SLC25A42: variants seen among roughly 807,000 people sequenced by gnomAD.
SLC25A42 encodes solute carrier family 25 member 42, also known as mitochondrial coenzyme A transporter SLC25A42.
SLC25A42 carries 19 observed loss-of-function variants against 34.7 expected under a neutral mutation model. The ratio of observed to expected loss-of-function variants is 0.55; its 90% CI spans 0.38 to 0.80. SLC25A42 has a LOEUF of 0.80. Among genes scored for constraint, SLC25A42 ranks in the 30% least tolerant of loss-of-function variants. The probability of loss-of-function intolerance (pLI) is 0.00; values close to 1 mark genes in which losing one functional copy is unlikely to be tolerated. For synonymous variants in SLC25A42, 205 were observed against 191.2 expected (o/e 1.07, Z -0.59); for missense variants, 364 against 441.3 (o/e 0.82, Z 1.57).
At chr19:19,067,029 A>AAC (rs2059606494) in intron 1 of SLC25A42, among the ~76,000 whole-genome samples, 1 of 151,368 alleles carries the variant, frequency 6.6e-6, no homozygotes, top group South Asian at 2.1e-4. Context: ...CTCAAAAAAA[A>AAC]AAAAAAAAAA....
intron 4 of SLC25A42, chr19:19,105,327 T>C: frequency 6.7e-6 from 4 of 593,580 alleles, no homozygotes; most frequent in South Asian, 4.5e-5. Context: ...CCAAGAGAAC[T>C]TGGTGGGGTG....
At chr19:19,089,385 A>T (rs1431393157) in intron 1 of SLC25A42, among the ~76,000 whole-genome samples, 2 of 151,744 alleles carry the variant, frequency 1.3e-5, no homozygotes, top group Non-Finnish European at 2.9e-5. Flanking sequence ...AAAGTTAGCC[A>T]GGCATGGTGG....
rs539461135 is a variant in SLC25A42, at chr19:19,087,033, T to C, written c.-34-9058T>C. 1.4e-4 allele frequency among the ~76,000 whole-genome samples: 21 copies of C among 152,274 alleles called. 1 individual carries two copies. In the South Asian group the frequency reaches 4.1e-3, roughly 30 times the overall value. Reference sequence around the variant, plus strand: ...GTAATTGATACAATGTTATTAACTATAGTCCTCATGCTGTCCATTAGATCT... The same window carrying C: ...GTAATTGATACAATGTTATTAACTACAGTCCTCATGCTGTCCATTAGATCT... On this transcript the variant is annotated intron_variant, in intron 1 of 7. Coordinates refer to ENST00000318596, the MANE Select transcript of SLC25A42 (RefSeq NM_178526.5).
At chr19:19,069,315 A>G (rs1471833072) in intron 1 of SLC25A42, among the ~76,000 whole-genome samples, 2 of 152,218 alleles carry the variant, frequency 1.3e-5, no homozygotes, top group Non-Finnish European at 2.9e-5. Context: ...AGGTTCTGGC[A>G]GGCAAATGGC....
chr19:19,107,904 A>G lies in SLC25A42; in HGVS notation c.508A>G (p.Ile170Val). ...GCTCTGTCCTGGCAGGTACAGCAAC[A>G]TCTTTCATGTCTTCATCCGCATCTC... Reference protein sequence around the residue: ...AVTPKEMYSNIFHVFIRISRE... With the variant: ...AVTPKEMYSNVFHVFIRISRE... The change falls in exon 7 of 8, where the codon ATC (isoleucine) becomes GTC (valine). Residue 170 changes from isoleucine to valine, a missense_variant. Ile to Val is a conservative substitution (Grantham distance 29). Transcript: ENST00000318596. 1.9e-6 allele frequency: 3 copies of G among 1,614,054 alleles called. 1 individual carries two copies. The highest frequency in any genetic ancestry group is 3.3e-4 in the Middle Eastern group (2 of 6,046).
At position 19,108,622 on chromosome 19, in the gene SLC25A42, G is replaced by A. The variant is rs563883333; in HGVS notation, c.649+577G>A. ...GCATTGATACCTCACCTCTTCACGA[G>A]CACACACGCAAAGCATATGGGTAAA... On this transcript the variant is annotated intron_variant, in intron 7 of 7. Transcript: ENST00000318596. Among the ~76,000 whole-genome samples, 10 of 152,028 alleles carry A rather than the reference G, an allele frequency of 6.6e-5. No individual in the cohort carries two copies. In the South Asian group the frequency reaches 1.9e-3, roughly 28 times the overall value.
At chr19:19,089,046 G>A (rs1047090620) in intron 1 of SLC25A42, among the ~76,000 whole-genome samples, 3 of 147,102 alleles carry the variant, frequency 2.0e-5, no homozygotes, top group East Asian at 2.1e-4. Flanking sequence ...GGCCTCAAGC[G>A]ATCTGCCCTC....
intron 1 of SLC25A42, among the ~76,000 whole-genome samples, chr19:19,064,646 G>A (rs1309181858): frequency 2.0e-5 from 3 of 150,142 alleles, no homozygotes; most frequent in Non-Finnish European, 4.4e-5. Context: ...CCAGCAACCT[G>A]TGTCTCTCTT....
intron 3 of SLC25A42, among the ~76,000 whole-genome samples, chr19:19,102,743 AAAATAAATAAATAAATAAAT>A (rs140086036): frequency 8.1e-5 from 12 of 148,658 alleles, no homozygotes; most frequent in African/African-American, 2.0e-4. Context: ...CTCTGTCTCA[AAAATAAATAAATAAATAAAT>A]AAATAAATAA....
chr19:19,104,064 G>T (rs981879499), intron 3 of SLC25A42, among the ~76,000 whole-genome samples: 10 of 152,080 alleles, frequency 6.6e-5, no homozygotes, highest in African/African-American at 2.4e-4. Context: ...CTGCCACCAT[G>T]CCTGGCTAAT....
At chr19:19,106,138 A>G (rs2059826078) in intron 5 of SLC25A42, 131 bp from the exon 6 acceptor site, 1 of 756,198 alleles carries the variant, frequency 1.3e-6, no homozygotes. Context: ...AGGAAGCCAA[A>G]CCCGCCTCGT....
chr19:19,072,987 A>T (rs10423467), intron 1 of SLC25A42, among the ~76,000 whole-genome samples: 1 of 152,080 alleles, frequency 6.6e-6, no homozygotes, highest in Non-Finnish European at 1.5e-5. Context: ...TACAGGTGTG[A>T]CCCACTGTAT....
chr19:19,079,569 T>C (rs1306995762), intron 1 of SLC25A42, among the ~76,000 whole-genome samples: 3 of 152,232 alleles, frequency 2.0e-5, no homozygotes, highest in African/African-American at 7.2e-5. Flanking sequence ...GAGGTTCATC[T>C]ATGTTGTAGC....
At chr19:19,096,061 G>T (rs776560035) in intron 1 of SLC25A42, 30 bp from the exon 2 acceptor site, 1 of 1,423,746 alleles carries the variant, frequency 7.0e-7, no homozygotes, top group Admixed American at 1.8e-5. Flanking sequence ...GGATCTCGCC[G>T]TATCTTACCA....
intron 2 of SLC25A42, 58 bp downstream of exon 2, chr19:19,096,263 C>A (rs2059765125): frequency 2.1e-6 from 3 of 1,407,622 alleles, no homozygotes; most frequent in East Asian, 2.4e-5. Flanking sequence ...CTCCCCACCC[C>A]CCCTCCCAGG....
At chr19:19,108,259 A>G (rs2059844722) in intron 7 of SLC25A42, among the ~76,000 whole-genome samples, 1 of 152,164 alleles carries the variant, frequency 6.6e-6, no homozygotes, top group Non-Finnish European at 1.5e-5. Context: ...TGCCTAAGTG[A>G]GAGGAACTCT....
At chr19:19,101,195 G>A (rs2059794558) in intron 2 of SLC25A42, among the ~76,000 whole-genome samples, 1 of 152,160 alleles carries the variant, frequency 6.6e-6, no homozygotes, top group Middle Eastern at 3.2e-3. Flanking sequence ...TGCAGAAAGC[G>A]ATGGCTCTCA....
chr19:19,071,269 A>C (rs1345057615), intron 1 of SLC25A42, among the ~76,000 whole-genome samples: 3 of 152,056 alleles, frequency 2.0e-5, no homozygotes, highest in African/African-American at 7.2e-5. Context: ...ATCCTCCCAA[A>C]GTGCTGGAAT....
At chr19:19,082,600 T>G (rs886384090) in intron 1 of SLC25A42, among the ~76,000 whole-genome samples, 8 of 152,098 alleles carry the variant, frequency 5.3e-5, no homozygotes, top group Middle Eastern at 3.4e-3. Flanking sequence ...TGACCTCAAT[T>G]GATCCACCTG....
Sources: allele counts gnomAD v4.1 joint callset (sites outside exome capture counted in the v4.1 genomes callset), GRCh38; gene constraint gnomAD v4.1.1; transcripts MANE v1.5; gene names NCBI Gene and HGNC (gene_info 2026-07-23, HGNC 2026-07-21).